The following CHD1L variants were observed in gnomAD, a reference collection of about 807,000 sequenced individuals.
CHD1L encodes the protein ATP-dependent chromatin remodeler CHD1L.
In CHD1L, 118 loss-of-function variants were observed where a neutral mutation model predicts 115.9. The observed-to-expected ratio is 1.02, with a 90% confidence interval of 0.88 to 1.19. CHD1L has a LOEUF of 1.19. Among genes scored for constraint, CHD1L ranks in the 50% most tolerant of loss-of-function variants. The pLI is 0.00. For synonymous variants in CHD1L, 411 were observed against 387.1 expected, an observed-to-expected ratio of 1.06 and a Z score of -0.72; for missense variants, 1,179 against 1,065.3, an observed-to-expected ratio of 1.11 and a Z score of -1.49.
the CHD1L span, among the ~76,000 whole-genome samples, chr1:147,234,145 G>A: frequency 6.6e-6 from 1 of 152,208 alleles, no homozygotes; most frequent in Admixed American, 6.5e-5. Flanking sequence ...TCATGAGCCT[G>A]CTCTTTTGAC....
chr1:147,285,369 G>A lies in CHD1L; in HGVS notation c.1900G>A (p.Val634Ile). Residue 634 changes from valine to isoleucine, a missense_variant, in exon 17 of 23, where the codon GTT becomes ATT. By Grantham distance (29) the Val-to-Ile change is conservative (BLOSUM62 3). Coordinates refer to ENST00000369258, the MANE Select transcript of CHD1L (RefSeq NM_004284.6). The part of the protein sequence containing the change: ...LVEGSTKRKR[V>I]LSPEELEDRQ... The stretch of plus-strand genomic sequence containing the variant: ...GGAGGGATCTACCAAAAGGAAGCGG[G>A]TTCTGAGTCCAGAAGAGCTGGAGGA... 6.2e-7 allele frequency: 1 copy of A among 1,613,926 alleles called. No homozygotes were observed. Among genetic ancestry groups the A allele is most frequent in the South Asian group, 1.1e-5 (1 of 91,056 alleles).
At chr1:147,203,591 A>G in the CHD1L span, 1 of 1,090,762 alleles carries the variant, frequency 9.2e-7, no homozygotes, top group South Asian at 1.2e-5. Flanking sequence ...TGCACGGGGA[A>G]TAGCTTCAAA....
chr1:147,223,979 A>C, the CHD1L span: 2 of 411,016 alleles, frequency 4.9e-6, no homozygotes, highest in Non-Finnish European at 9.6e-6. Context: ...GGTTAACACA[A>C]TCACCACCTT....
intron 20 of CHD1L, 24 bp from the exon 21 acceptor site, chr1:147,293,584 T>A (rs1553972798): frequency 1.3e-6 from 2 of 1,599,964 alleles, no homozygotes; most frequent in Admixed American, 1.7e-5. Context: ...GTTGGGTTGG[T>A]CATCTAATGG....
the CHD1L span, chr1:147,172,782 A>C: frequency 6.6e-6 from 1 of 152,278 alleles, no homozygotes; most frequent in East Asian, 1.9e-4. Context: ...ACTACCCGGC[A>C]GAAGGGACGT....
chr1:147,213,322 A>G, the CHD1L span: 6 of 1,609,512 alleles, frequency 3.7e-6, no homozygotes, highest in South Asian at 6.7e-5. Context: ...GAAGCTTTCC[A>G]GAGGTAGATG....
At chr1:147,252,829 T>C (rs1015821109) in intron 2 of CHD1L, 94 bp downstream of exon 2, 3 of 1,041,470 alleles carry the variant, frequency 2.9e-6, no homozygotes, top group South Asian at 1.5e-5. Context: ...AAAACAAAGC[T>C]CAGTTTCACA....
At chr1:147,242,612 GGCCCCAGCGCGCAGTCGCGC>G, upstream of CHD1L, 1 of 1,192,140 alleles carries the variant, frequency 8.4e-7, no homozygotes, top group Admixed American at 4.2e-5. Flanking sequence ...CTCGTAGGTG[GGCCCCAGCGCGCAGTCGCGC>G]GCCCCCGCGC....
At chr1:147,291,425 A>C in intron 19 of CHD1L, 57 bp from the exon 20 acceptor site, 5 of 1,372,534 alleles carry the variant, frequency 3.6e-6, no homozygotes, top group Non-Finnish European at 5.2e-6. Flanking sequence ...TACGAGGAGG[A>C]TTCATTCATT....
chr1:147,211,771 C>A, the CHD1L span, among the ~76,000 whole-genome samples: 2 of 152,144 alleles, frequency 1.3e-5, no homozygotes, highest in Non-Finnish European at 2.9e-5. Context: ...AACAAAAAGC[C>A]AAGGAGATAT....
chr1:147,179,671 A>C, the CHD1L span: 2 of 1,129,888 alleles, frequency 1.8e-6, no homozygotes. Context: ...CTTCCACCAG[A>C]GATGGGAAAA....
intron 1 of CHD1L, among the ~76,000 whole-genome samples, chr1:147,243,524 C>T (rs1559711174): frequency 6.6e-6 from 1 of 152,064 alleles, no homozygotes; most frequent in African/African-American, 2.4e-5. Flanking sequence ...ACCTTGCATG[C>T]CCCCCAGCCC....
At chr1:147,238,904 A>G (rs1449276794), upstream of CHD1L, among the ~76,000 whole-genome samples, 3 of 152,176 alleles carry the variant, frequency 2.0e-5, no homozygotes, top group Non-Finnish European at 4.4e-5. Context: ...TAAGAGAGCC[A>G]GACAGACTTC....
chr1:147,175,564 TCACA>T, the CHD1L span: 1 of 152,116 alleles, frequency 6.6e-6, no homozygotes, highest in Non-Finnish European at 1.5e-5. Context: ...CTTCCTTCAT[TCACA>T]CACACTCACT....
the CHD1L span, chr1:147,176,147 A>G: frequency 6.6e-6 from 1 of 152,218 alleles, no homozygotes; most frequent in Non-Finnish European, 1.5e-5. Flanking sequence ...AGCAAAATAT[A>G]TGAGTTTATA....
chr1:147,179,085 T>G, the CHD1L span: 1 of 1,613,882 alleles, frequency 6.2e-7, no homozygotes, highest in Non-Finnish European at 8.5e-7. Context: ...GAGAGATTCC[T>G]GTTGTTGCTA....
intron 15 of CHD1L, among the ~76,000 whole-genome samples, chr1:147,281,805 A>ATATT (rs201301607): frequency 6.6e-5 from 10 of 151,516 alleles, no homozygotes; most frequent in Non-Finnish European, 1.2e-4. Context: ...AAATATATAT[A>ATATT]TATTTATTTA....
At chr1:147,259,109 A>G (rs1553942223) in intron 5 of CHD1L, 1 of 152,166 alleles carries the variant, frequency 6.6e-6, no homozygotes, top group Non-Finnish European at 1.5e-5. Context: ...ATTCCCACAT[A>G]TATCTTTTTC....
In CHD1L at chr1:147,295,501, G is replaced by T. The variant is rs201349327; in HGVS notation, c.2686G>T (p.Val896Leu). The change falls in exon 23 of 23, where the codon GTG becomes TTG. Residue 896 changes from valine (V) to leucine (L), a missense_variant. Physicochemically the swap from Val to Leu is conservative, Grantham distance 32. Coordinates refer to ENST00000369258, the MANE Select transcript of CHD1L (RefSeq NM_004284.6). ...TTCATCTTCCTCCTCAAGACAGCTG[G>T]TGCCTTAAGAATTGGCCCAGCCTCA... ...QSSSSSSRQL[V>L]P 2 of 1,609,086 alleles carry T rather than the reference G, an allele frequency of 1.2e-6. No homozygotes were observed. The highest frequency in any genetic ancestry group is 8.5e-7 in the Non-Finnish European group (1 of 1,177,276).
Sources: allele counts gnomAD v4.1 joint callset (sites outside exome capture counted in the v4.1 genomes callset), GRCh38; gene constraint gnomAD v4.1.1; transcripts MANE v1.5; gene names NCBI Gene and HGNC (gene_info 2026-07-23, HGNC 2026-07-21).